FOXR1: variants seen among roughly 807,000 people sequenced by gnomAD.
FOXR1 encodes the protein forkhead box protein R1.
Under a neutral mutation model 34.5 loss-of-function variants are expected in FOXR1, and 25 were observed. The ratio of observed to expected loss-of-function variants is 0.72; its 90% CI spans 0.53 to 1.01. The LOEUF (loss-of-function observed/expected upper bound fraction) is 1.01, where lower values mean the gene tolerates loss of function less well. FOXR1 is among the 50% of genes least tolerant of loss of function. FOXR1 has a pLI of 0.00. For synonymous variants in FOXR1, 153 were observed against 141.6 expected (o/e 1.08, Z -0.57); for missense variants, 373 against 376.2 (o/e 0.99, Z 0.07).
intron 1 of FOXR1, 143 bp downstream of exon 1, chr11:118,972,135 C>A (rs1402007907): frequency 2.5e-5 from 14 of 569,912 alleles, no homozygotes; most frequent in Middle Eastern, 5.5e-4. Flanking sequence ...CCGCGCCCCC[C>A]CCCCCCGACG....
In FOXR1 at chr11:118,981,254, C is replaced by T. The variant is rs781972788; in HGVS notation, c.*18C>T. The T allele has an allele frequency of 1.2e-6, 2 of 1,613,142 alleles. No individual in the cohort carries two copies. The highest frequency in any genetic ancestry group is 2.2e-5 in the South Asian group (2 of 91,064). On this transcript the variant is annotated 3_prime_UTR_variant, in exon 6 of 6. Transcript: ENST00000317011. ...ATCTTTAACCCCAAGAAGCAACAGC[C>T]AGCTAATGCTTTATTAAAATTACCC...
chr11:118,972,122 G>GCC, intron 1 of FOXR1, 130 bp downstream of exon 1: 6 of 482,474 alleles, frequency 1.2e-5, no homozygotes, highest in South Asian at 4.4e-5. Context: ...GGGGCCGAGC[G>GCC]CCCCGCGCCC....
At chr11:118,978,174 C>T (rs1053346629) in intron 1 of FOXR1, among the ~76,000 whole-genome samples, 12 of 151,568 alleles carry the variant, frequency 7.9e-5, no homozygotes, top group Non-Finnish European at 1.0e-4. Context: ...GCCAAGATCG[C>T]GCCACTACAC....
intron 1 of FOXR1, among the ~76,000 whole-genome samples, chr11:118,975,141 T>A (rs1941764147): frequency 6.6e-6 from 1 of 151,890 alleles, no homozygotes; most frequent in Admixed American, 6.6e-5. Context: ...AGAAGAGAGA[T>A]AACTAGCAAA....
intron 1 of FOXR1, among the ~76,000 whole-genome samples, chr11:118,977,806 G>C (rs1333690458): frequency 1.3e-5 from 2 of 152,162 alleles, no homozygotes; most frequent in East Asian, 3.8e-4. Flanking sequence ...ATACAGGAAG[G>C]CCAGGCATGG....
intron 1 of FOXR1, among the ~76,000 whole-genome samples, chr11:118,975,494 T>TGCAGTCTTGA (rs1941768961): frequency 8.2e-6 from 1 of 121,660 alleles, no homozygotes; most frequent in Admixed American, 9.5e-5. Context: ...CACAGCTCAC[T>TGCAGTCTTGA]GCAGTCTTGA....
chr11:118,975,762 C>T (rs1941772522), intron 1 of FOXR1, among the ~76,000 whole-genome samples: 2 of 152,214 alleles, frequency 1.3e-5, no homozygotes, highest in Non-Finnish European at 2.9e-5. Context: ...AAGAGAGACA[C>T]AGACATACAA....
intron 1 of FOXR1, 61 bp downstream of exon 1, chr11:118,972,053 G>A (rs1941711421): frequency 5.9e-6 from 8 of 1,364,806 alleles, no homozygotes; most frequent in Middle Eastern, 1.9e-4. Context: ...CTAGGGGCTC[G>A]CGGGACCCCG....
chr11:118,972,115 G>T (rs1941713277), intron 1 of FOXR1, 123 bp downstream of exon 1: 6 of 698,634 alleles, frequency 8.6e-6, no homozygotes, highest in Non-Finnish European at 1.0e-5. Context: ...GGCTTGGGGG[G>T]CCGAGCGCCC....
chr11:118,976,091 G>T (rs530335862), intron 1 of FOXR1, among the ~76,000 whole-genome samples: 1 of 152,248 alleles, frequency 6.6e-6, no homozygotes, highest in Non-Finnish European at 1.5e-5. Context: ...GTGCATAAAT[G>T]AGGTTACGGA....
intron 4 of FOXR1, 95 bp from the exon 5 acceptor site, chr11:118,980,395 G>A (rs781934483): frequency 4.6e-5 from 64 of 1,399,140 alleles, no homozygotes; most frequent in Non-Finnish European, 6.3e-5. Context: ...TGGAGAGAAG[G>A]GCTAAAGCCC....
chr11:118,980,797 G>C, intron 5 of FOXR1, 69 bp downstream of exon 5: 1 of 1,447,922 alleles, frequency 6.9e-7, no homozygotes, highest in African/African-American at 1.4e-5. Context: ...GGCCAAGTGT[G>C]GAAGCCTGGG....
In FOXR1 at chr11:118,980,720, G is replaced by C. The variant is rs1210773038; in HGVS notation, c.842G>C (p.Ser281Thr). The C allele has an allele frequency of 1.2e-6, 2 of 1,612,064 alleles. No individual in the cohort carries two copies. Among genetic ancestry groups the C allele is most frequent in the Non-Finnish European group, 1.7e-6 (2 of 1,179,708 alleles). Residue 281 changes from serine to threonine, a missense_variant, in exon 5 of 6, where the codon AGC (serine) becomes ACC (threonine). Physicochemically the swap from Ser to Thr is moderately conservative, Grantham distance 58. Coordinates refer to ENST00000317011, the MANE Select transcript of FOXR1 (RefSeq NM_181721.3). The stretch of plus-strand genomic sequence containing the variant: ...CTAGAAAGTATCCAACAGTGCATGA[G>C]CCAGCCAGGTGTGAAGACTTGTTGT... ...TRLESIQQCM[S>T]QPDVMPFLFD...
chr11:118,978,341 C>A (rs1941803792), intron 1 of FOXR1, among the ~76,000 whole-genome samples: 1 of 152,038 alleles, frequency 6.6e-6, no homozygotes, highest in Admixed American at 6.6e-5. Flanking sequence ...TGCAACAGAG[C>A]AAGACCCTGT....
intron 4 of FOXR1, 108 bp from the exon 5 acceptor site, chr11:118,980,377 TATCCC>T: frequency 8.1e-7 from 1 of 1,238,738 alleles, no homozygotes; most frequent in Non-Finnish European, 1.2e-6. Context: ...AACTTGCTAC[TATCCC>T]CCTGGAGAGA....
intron 1 of FOXR1, among the ~76,000 whole-genome samples, chr11:118,976,202 G>GTT (rs1292884072): frequency 8.8e-6 from 1 of 113,626 alleles, no homozygotes; most frequent in Non-Finnish European, 2.0e-5. Flanking sequence ...CAAAGATCAT[G>GTT]TTTTTGTTTT....
At chr11:118,980,405 C>G in intron 4 of FOXR1, 85 bp from the exon 5 acceptor site, 2 of 1,479,784 alleles carry the variant, frequency 1.4e-6, no homozygotes, top group Non-Finnish European at 1.9e-6. Flanking sequence ...GGCTAAAGCC[C>G]CTGGCCCCTG....
chr11:118,979,153 C>G lies in FOXR1; in HGVS notation c.333C>G (p.Ser111Arg). ...TGGAATCACTGTCCCAGTCCTCCAG[C>G]AAGCGGTCTCCCCCTCGGAAGCGGT... ...AGVESLSQSS[S>R]KRSPPRKRFA... The change falls in exon 3 of 6, where the codon AGC (serine) becomes AGG (arginine). Residue 111 changes from serine (S) to arginine (R), a missense_variant. Ser to Arg is a moderately radical substitution (Grantham distance 110, BLOSUM62 -1). Transcript: ENST00000317011. The G allele has an allele frequency of 6.4e-6, 10 of 1,568,728 alleles. No individual in the cohort carries two copies. Among genetic ancestry groups the G allele is most frequent in the Non-Finnish European group, 7.8e-6 (9 of 1,160,700 alleles).
chr11:118,972,013 G>A (rs745962707), intron 1 of FOXR1, 21 bp downstream of exon 1: 2 of 1,509,782 alleles, frequency 1.3e-6, no homozygotes, highest in Non-Finnish European at 1.8e-6. Flanking sequence ...GGTGGGGTGA[G>A]GTGGGGGGCT....
Sources: gnomAD v4.1 joint callset for allele counts (sites outside exome capture counted in the v4.1 genomes callset) on GRCh38, gnomAD v4.1.1 for gene constraint, MANE v1.5 for transcripts, NCBI Gene and HGNC (gene_info 2026-07-23, HGNC 2026-07-21) for gene names.